CPT1A: variants seen among roughly 807,000 people sequenced by gnomAD.
CPT1A encodes the protein carnitine O-palmitoyltransferase 1, liver isoform.
CPT1A carries 64 observed loss-of-function variants against 100.8 expected under a neutral mutation model. The observed-to-expected ratio is 0.63, with a 90% CI of 0.52 to 0.78. The LOEUF is 0.78. Among genes scored for constraint, CPT1A ranks in the 30% least tolerant of loss-of-function variants. The pLI, the probability that CPT1A is intolerant of heterozygous loss-of-function variation, is 0.00. For synonymous variants in CPT1A, 363 were observed against 396.0 expected (o/e 0.92, Z 0.99); for missense variants, 802 against 1,034.1 (o/e 0.78, Z 3.08).
chr11:68,819,146 T>G (rs1326474339), intron 1 of CPT1A, among the ~76,000 whole-genome samples: 1 of 152,098 alleles, frequency 6.6e-6, no homozygotes, highest in Non-Finnish European at 1.5e-5. Context: ...CGGCGCCATC[T>G]CAGCTCACTG....
intron 1 of CPT1A, among the ~76,000 whole-genome samples, chr11:68,831,249 T>A (rs1270820600): frequency 6.6e-6 from 1 of 152,174 alleles, no homozygotes; most frequent in Non-Finnish European, 1.5e-5. Flanking sequence ...CAGGTCCCTA[T>A]GCCCTTTGAG....
intron 1 of CPT1A, among the ~76,000 whole-genome samples, chr11:68,816,848 CGT>C (rs1856413695): frequency 2.2e-5 from 2 of 92,906 alleles, no homozygotes; most frequent in Non-Finnish European, 4.2e-5. Context: ...GTGGTGTGTG[CGT>C]GTGTGGTGTG....
intron 13 of CPT1A, 60 bp from the exon 14 acceptor site, chr11:68,773,489 C>A (rs1855053375): frequency 1.2e-6 from 2 of 1,611,252 alleles, no homozygotes; most frequent in Non-Finnish European, 1.7e-6. Context: ...TGACGCACAC[C>A]CAGAAGGAAA....
At chr11:68,807,744 T>G in intron 3 of CPT1A, 106 bp from the exon 4 acceptor site, 1 of 1,109,916 alleles carries the variant, frequency 9.0e-7, no homozygotes, top group East Asian at 2.5e-5. Flanking sequence ...TCCAGCAGCC[T>G]GCCCCAGGTA....
chr11:68,840,888 C>G lies in CPT1A; in HGVS notation c.-14+887G>C, dbSNP rs2154003295. Among the ~76,000 whole-genome samples the G allele has an allele frequency of 3.9e-5, 6 of 152,290 alleles. No homozygotes were observed. The Middle Eastern group carries it at 0.017, about 435-fold the overall frequency. ...CGGCCACGTGACACCCCCACCCTCCCGCGGCCCCGCCGCTCCCAGCCCGGC... is the reference window on the plus strand; with the variant it reads ...CGGCCACGTGACACCCCCACCCTCCGGCGGCCCCGCCGCTCCCAGCCCGGC... On this transcript the variant is annotated intron_variant, in intron 1 of 18. Transcript: ENST00000265641.
At chr11:68,798,321 A>G (rs567438960) in intron 6 of CPT1A, among the ~76,000 whole-genome samples, 16 of 152,324 alleles carry the variant, frequency 1.1e-4, no homozygotes, top group African/African-American at 3.1e-4. Context: ...CCAGTCCAGC[A>G]CACCGGTGCA....
chr11:68,802,814 T>C (rs1855939784), intron 5 of CPT1A, among the ~76,000 whole-genome samples: 1 of 149,712 alleles, frequency 6.7e-6, no homozygotes, highest in Non-Finnish European at 1.5e-5. Context: ...GGAGGATCAT[T>C]TGAGCCCAGG....
chr11:68,829,117 C>T (rs1317592109), intron 1 of CPT1A, among the ~76,000 whole-genome samples: 1 of 152,188 alleles, frequency 6.6e-6, no homozygotes, highest in Non-Finnish European at 1.5e-5. Context: ...AACGCCGGCA[C>T]CTGCCCTGCC....
chr11:68,794,844 A>T lies in CPT1A; in HGVS notation c.839T>A (p.Leu280Gln). The T allele has an allele frequency of 6.2e-7, 1 of 1,614,254 alleles. No homozygotes were observed. Among genetic ancestry groups the T allele is most frequent in the Non-Finnish European group, 8.5e-7 (1 of 1,180,042 alleles). ...ARAGNAIHAI[L>Q]LYRRKLDREE... is the part of the protein sequence containing the mutation. ...CCGGTCCAGTTTGCGCCTGTAAAGCAGGATGGCATGGATGGCGTTGCCGGC... is the reference window on the plus strand; with the variant it reads ...CCGGTCCAGTTTGCGCCTGTAAAGCTGGATGGCATGGATGGCGTTGCCGGC... Residue 280 changes from leucine (L) to glutamine (Q), a missense_variant, in exon 8 of 19, where the codon CTG (leucine) becomes CAG (glutamine). Coordinates refer to ENST00000265641, the MANE Select transcript of CPT1A (RefSeq NM_001876.4).
chr11:68,763,022 A>AT (rs926188567), intron 14 of CPT1A, among the ~76,000 whole-genome samples: 4 of 151,616 alleles, frequency 2.6e-5, no homozygotes, highest in South Asian at 2.1e-4. Flanking sequence ...TTTTTTTAAA[A>AT]TTTTTTTTGT....
chr11:68,765,487 C>T (rs757334311), intron 14 of CPT1A, among the ~76,000 whole-genome samples: 1 of 152,176 alleles, frequency 6.6e-6, no homozygotes, highest in South Asian at 2.1e-4. Flanking sequence ...GCCACCAAAA[C>T]ATCTCCAGTT....
At chr11:68,811,404 C>A (rs143134234) in intron 3 of CPT1A, among the ~76,000 whole-genome samples, 1 of 152,122 alleles carries the variant, frequency 6.6e-6, no homozygotes, top group African/African-American at 2.4e-5. Flanking sequence ...CTTTCAGACC[C>A]GAAAGTAAAA....
intron 1 of CPT1A, among the ~76,000 whole-genome samples, chr11:68,828,852 G>T (rs889627896): frequency 1.3e-5 from 2 of 152,142 alleles, no homozygotes; most frequent in Non-Finnish European, 2.9e-5. Context: ...TCTTCCTCCT[G>T]GGGGAGGCCA....
intron 2 of CPT1A, among the ~76,000 whole-genome samples, chr11:68,813,824 C>T (rs1030712360): frequency 2.2e-4 from 34 of 152,098 alleles, no homozygotes; most frequent in Non-Finnish European, 4.4e-4. Context: ...GAGCAGCTCT[C>T]GGCGAGCCGA....
Position 68,773,379 on chromosome 11 carries a change from G to A in CPT1A, c.1626C>T (p.Asn542=), listed in dbSNP as rs1855049621. The change falls in exon 14 of 19, where the codon AAC becomes AAT. Residue 542 remains asparagine, a synonymous_variant. Coordinates refer to ENST00000265641, the MANE Select transcript of CPT1A (RefSeq NM_001876.4). ...ATGGGAAGGAATGGAAATCCACGTC[G>A]TTTGCCAGAAGATTTGCGGTGTTCA... is the stretch of plus-strand genomic sequence containing the variant. The part of the protein sequence containing the change: ...TSLNTANLLA[N]DVDFHSFPFV... 6.2e-7 allele frequency: 1 copy of A among 1,614,226 alleles called. No individual in the cohort carries two copies.
rs1946682596 is a variant in CPT1A, at chr11:68,755,798, A to G, written c.*1846T>C. ...TGGCCCATAAAGGTGGGATTTTTAC[A>G]TCATGAAGTATACATACATAAAACA... On this transcript the variant is annotated 3_prime_UTR_variant, in exon 19 of 19. Transcript: ENST00000265641. The G allele has an allele frequency of 6.8e-6, 1 of 146,230 alleles. No individual in the cohort carries two copies. Among genetic ancestry groups the G allele is most frequent in the Admixed American group, 7.0e-5 (1 of 14,352 alleles). The allele number at this position is 146,230 out of a possible 1,614,324, so 9.1% of individuals were successfully genotyped here. A position where few individuals can be genotyped will look rare whatever the true frequency, so the allele number is the denominator to read the frequency against.
chr11:68,774,816 T>G (rs1009022279), intron 13 of CPT1A, among the ~76,000 whole-genome samples: 1 of 150,396 alleles, frequency 6.6e-6, no homozygotes, highest in Non-Finnish European at 1.5e-5. Context: ...GAAAATGGTA[T>G]CTTGGACTCC....
intron 5 of CPT1A, among the ~76,000 whole-genome samples, chr11:68,801,289 C>T (rs1855898455): frequency 6.6e-6 from 1 of 152,112 alleles, no homozygotes. Flanking sequence ...GCCAGTGGAA[C>T]AGGGGCCGTC....
chr11:68,815,400 A>G lies in CPT1A; in HGVS notation c.75T>C (p.His25=), dbSNP rs2154001365. 1 of 1,614,180 alleles carries G rather than the reference A, an allele frequency of 6.2e-7. No individual in the cohort carries two copies. The highest frequency in any genetic ancestry group is 2.2e-5 in the East Asian group (1 of 44,880). The change falls in exon 2 of 19, where the codon CAT becomes CAC. Residue 25 remains histidine, a synonymous_variant. Transcript: ENST00000265641. Reference sequence around the variant, plus strand: ...AGAGATAGATTTGTCTAAGAGCTTCATGGCTCAGCCGCAGGTCAATCCCGT... The same window carrying G: ...AGAGATAGATTTGTCTAAGAGCTTCGTGGCTCAGCCGCAGGTCAATCCCGT... ...TPDGIDLRLS[H]EALRQIYLSG... is the part of the protein sequence containing the mutation.
Sources: gnomAD v4.1 joint callset for allele counts (sites outside exome capture counted in the v4.1 genomes callset) on GRCh38, gnomAD v4.1.1 for gene constraint, MANE v1.5 for transcripts, NCBI Gene and HGNC (gene_info 2026-07-23, HGNC 2026-07-21) for gene names.